P2RX6: variants seen among roughly 807,000 people sequenced by gnomAD.
P2RX6 encodes the protein P2X purinoceptor 6.
P2RX6 carries 62 observed loss-of-function variants against 54.2 expected under a neutral mutation model. The ratio of observed to expected loss-of-function variants is 1.14; its 90% CI spans 0.93 to 1.41. The LOEUF (loss-of-function observed/expected upper bound fraction) is 1.41, where lower values mean the gene tolerates loss of function less well. P2RX6 is among the 40% of genes most tolerant of loss of function. P2RX6 has a pLI of 0.00. For synonymous variants in P2RX6, 211 were observed against 231.9 expected (o/e 0.91, Z 0.82); for missense variants, 541 against 566.3 (o/e 0.96, Z 0.45).
At chr22:21,024,280 C>CT (rs35973141) in intron 8 of P2RX6, among the ~76,000 whole-genome samples, 5,559 of 133,830 alleles carry the variant, frequency 0.042, 353 homozygotes, top group East Asian at 0.31. Context: ...TTTACCTAAA[C>CT]TTTTTTTTTT....
chr22:21,023,398 C>T lies in P2RX6; in HGVS notation c.762C>T (p.Phe254=), dbSNP rs147788586. 227 of 1,613,888 alleles carry T rather than the reference C, an allele frequency of 1.4e-4. 1 individual carries two copies. The highest frequency in any genetic ancestry group is 1.0e-4 in the Admixed American group (6 of 60,006). ...TCGTGGCCAAGGCTGGAGGGACCTT[C>T]GAGGACCTGGCGTTGCTGGTGGGTC... ...GDLVAKAGGT[F]EDLALLGGSV... The change falls in exon 7 of 12, where the codon TTC becomes TTT. Residue 254 remains phenylalanine (F), a synonymous_variant. Transcript: ENST00000413302.
At chr22:21,020,834 C>T (rs941267426) in intron 3 of P2RX6, among the ~76,000 whole-genome samples, 3 of 151,774 alleles carry the variant, frequency 2.0e-5, no homozygotes, top group African/African-American at 7.3e-5. Context: ...TCAGGTAATC[C>T]GCCCACCTTG....
At chr22:21,025,760 G>C (rs1401134715) in intron 8 of P2RX6, 45 bp from the exon 9 acceptor site, 6 of 1,433,958 alleles carry the variant, frequency 4.2e-6, no homozygotes, top group Admixed American at 2.0e-5. Flanking sequence ...GCCCCACCTG[G>C]GGGTGGGCAA....
intron 2 of P2RX6, among the ~76,000 whole-genome samples, chr22:21,016,605 A>G (rs938084868): frequency 1.3e-5 from 2 of 150,636 alleles, no homozygotes; most frequent in African/African-American, 2.4e-5. Flanking sequence ...AAAAAAAAAA[A>G]AGCCAGGCCA....
intron 8 of P2RX6, among the ~76,000 whole-genome samples, chr22:21,024,790 C>G (rs574891125): frequency 6.6e-6 from 1 of 150,702 alleles, no homozygotes; most frequent in Admixed American, 6.6e-5. Context: ...AGGCTGGTCT[C>G]GAACTTCTGA....
At position 21,026,411 on chromosome 22, in the gene P2RX6, C is replaced by T. The variant is rs1288088534; in HGVS notation, c.1129-9C>T. The T allele has an allele frequency of 3.8e-6, 6 of 1,595,632 alleles. No individual in the cohort carries two copies. The highest frequency in any genetic ancestry group is 5.1e-6 in the Non-Finnish European group (6 of 1,171,518). On this transcript the variant is annotated splice_polypyrimidine_tract_variant and intron_variant, in intron 11 of 11. Coordinates refer to ENST00000413302, the MANE Select transcript of P2RX6 (RefSeq NM_005446.5). The surrounding 1 kb of genome is among the most constrained non-coding windows in gnomAD (Gnocchi z 4.0). ...GGCTGGATCCCTGACCTGCTGTCCT[C>T]ATCTGCAGGCCAAGGCCCCGAAAGC... is the stretch of plus-strand genomic sequence containing the variant.
In P2RX6 at chr22:21,015,339, G is replaced by C. The variant is rs1179556499; in HGVS notation, c.164+1G>C. ...TTGGGATCGTGGTCTATGTGGTAGG[G>C]TAAGAGAGAAGAGCTTTTGGCCAGG... is the stretch of plus-strand genomic sequence containing the variant. On this transcript the variant is annotated splice_donor_variant, in intron 1 of 11. Coordinates refer to ENST00000413302, the MANE Select transcript of P2RX6 (RefSeq NM_005446.5). LOFTEE classifies it high-confidence loss of function. The C allele has an allele frequency of 1.3e-6, 2 of 1,551,976 alleles. No homozygotes were observed. The highest frequency in any genetic ancestry group is 1.8e-4 in the Middle Eastern group (1 of 5,562).
At chr22:21,024,632 G>A (rs533715126) in intron 8 of P2RX6, among the ~76,000 whole-genome samples, 12 of 151,816 alleles carry the variant, frequency 7.9e-5, no homozygotes, top group African/African-American at 1.9e-4. Flanking sequence ...ATGCAATGGC[G>A]TGGTCTTGGC....
intron 3 of P2RX6, among the ~76,000 whole-genome samples, chr22:21,021,164 A>G (rs1050672083): frequency 3.3e-5 from 5 of 151,690 alleles, no homozygotes; most frequent in Non-Finnish European, 5.9e-5. Context: ...TCCTGTAGCA[A>G]TGAGGTCTTG....
chr22:21,023,078 C>G (rs1927717761), intron 5 of P2RX6, 40 bp from the exon 6 acceptor site: 16 of 1,612,190 alleles, frequency 9.9e-6, no homozygotes, highest in East Asian at 2.2e-5. Context: ...GCGCAGGGCC[C>G]CAGGCCTGGC....
chr22:21,022,808 C>T (rs1927657068), intron 4 of P2RX6, 57 bp downstream of exon 4: 1 of 1,493,916 alleles, frequency 6.7e-7, no homozygotes, highest in Admixed American at 2.0e-5. Context: ...GGGCTGGGAT[C>T]CTGGGTGGCT....
At position 21,026,204 on chromosome 22, in the gene P2RX6, G is replaced by A. The variant is rs112331022; in HGVS notation, c.1051-48G>A. The A allele has an allele frequency of 1.3e-6, 2 of 1,553,814 alleles. No homozygotes were observed. The highest frequency in any genetic ancestry group is 1.4e-5 in the African/African-American group (1 of 73,860). ...GGGGTGCAGGCTGGGGAGGTGGCAG[G>A]AGAGCAGGCTCGGGGGCTGGAACAT... On this transcript the variant is annotated intron_variant, in intron 10 of 11. Coordinates refer to ENST00000413302, the MANE Select transcript of P2RX6 (RefSeq NM_005446.5). This position sits in a 1 kb window ranked among gnomAD's most constrained non-coding sequence, Gnocchi z 4.0.
upstream of P2RX6, among the ~76,000 whole-genome samples, chr22:21,012,106 A>T (rs1295524041): frequency 6.6e-6 from 1 of 151,486 alleles, no homozygotes; most frequent in Non-Finnish European, 1.5e-5. Flanking sequence ...TTCATAGGTC[A>T]CCCCGTTTTC....
Position 21,025,908 on chromosome 22 carries a change from G to C in P2RX6, c.984+10G>C, listed in dbSNP as rs773351984. The C allele has an allele frequency of 2.8e-5, 45 of 1,580,390 alleles. No homozygotes were observed. The highest frequency in any genetic ancestry group is 3.6e-5 in the Non-Finnish European group (42 of 1,163,546). ...CCTCGTCACCGGGCAGGTAGGCACA[G>C]GTAGGGGTCAGGCCGGGGATGGGAT... is the stretch of plus-strand genomic sequence containing the variant. On this transcript the variant is annotated intron_variant, in intron 9 of 11. Transcript: ENST00000413302.
intron 2 of P2RX6, among the ~76,000 whole-genome samples, chr22:21,016,575 C>T (rs578131555): frequency 1.5e-3 from 180 of 122,792 alleles, no homozygotes; most frequent in African/African-American, 5.4e-3. Context: ...GGTGGCAAAG[C>T]GAGACTCTGT....
At chr22:21,019,385 G>A (rs998625627) in intron 3 of P2RX6, among the ~76,000 whole-genome samples, 12 of 152,104 alleles carry the variant, frequency 7.9e-5, no homozygotes, top group African/African-American at 2.2e-4. Flanking sequence ...GCACGATCTC[G>A]GCTCACTGCA....
chr22:21,012,414 C>T (rs934040919), upstream of P2RX6: 1 of 374,194 alleles, frequency 2.7e-6, no homozygotes, highest in African/African-American at 2.1e-5. Flanking sequence ...CCTCTATCCA[C>T]CAGCAACACC....
intron 3 of P2RX6, among the ~76,000 whole-genome samples, chr22:21,020,922 A>G (rs1927278760): frequency 6.6e-6 from 1 of 151,884 alleles, no homozygotes; most frequent in African/African-American, 2.4e-5. Context: ...GCTGGTGAGC[A>G]GGTGGATTTG....
intron 2 of P2RX6, among the ~76,000 whole-genome samples, chr22:21,017,499 G>C (rs1234522436): frequency 1.3e-5 from 2 of 152,170 alleles, no homozygotes; most frequent in East Asian, 1.9e-4. Context: ...TCCTGAGCAG[G>C]TGCTGGGCCC....
Sources: allele counts gnomAD v4.1 joint callset (sites outside exome capture counted in the v4.1 genomes callset), GRCh38; gene constraint gnomAD v4.1.1; non-coding constraint Gnocchi (gnomAD v3.1); transcripts MANE v1.5; gene names NCBI Gene and HGNC (gene_info 2026-07-23, HGNC 2026-07-21).